TRAPPC9: variants seen among roughly 807,000 people sequenced by gnomAD.
TRAPPC9 encodes the protein IKK2 binding protein.
TRAPPC9 carries 83 observed loss-of-function variants against 124.0 expected under a neutral mutation model. The observed-to-expected ratio is 0.67, with a 90% CI of 0.56 to 0.80. The LOEUF (loss-of-function observed/expected upper bound fraction) is 0.80. Ranked by LOEUF, TRAPPC9 falls within the 30% of genes least tolerant of loss-of-function variation. TRAPPC9 has a pLI of 0.00. For missense variants in TRAPPC9, 1,302 were observed against 1,508.3 expected, an observed-to-expected ratio of 0.86 and a Z score of 2.27; for synonymous variants, 638 against 617.5, an observed-to-expected ratio of 1.03 and a Z score of -0.49.
intron 19 of TRAPPC9, among the ~76,000 whole-genome samples, chr8:139,912,069 TC>T (rs1357597309): frequency 6.6e-6 from 1 of 152,208 alleles, no homozygotes; most frequent in Non-Finnish European, 1.5e-5. Context: ...TTTCTGGTTC[TC>T]TAAGTAGATA....
chr8:139,735,576 C>G (rs1360970228), intron 21 of TRAPPC9, among the ~76,000 whole-genome samples: 1 of 152,162 alleles, frequency 6.6e-6, no homozygotes, highest in East Asian at 1.9e-4. Flanking sequence ...GATGGGGCAG[C>G]CTGGTTGCTG....
intron 17 of TRAPPC9, among the ~76,000 whole-genome samples, chr8:140,145,673 C>T (rs1192939123): frequency 6.6e-6 from 1 of 151,906 alleles, no homozygotes; most frequent in African/African-American, 2.4e-5. Flanking sequence ...TTTCGATTTG[C>T]TAATATTTCA....
chr8:139,909,073 A>C (rs986752967), intron 20 of TRAPPC9, among the ~76,000 whole-genome samples: 3 of 152,192 alleles, frequency 2.0e-5, no homozygotes, highest in African/African-American at 7.2e-5. Flanking sequence ...AATTGGCCTC[A>C]GGTTCTGGAA....
At chr8:140,309,528 G>T (rs1172848453) in intron 10 of TRAPPC9, among the ~76,000 whole-genome samples, 1 of 152,076 alleles carries the variant, frequency 6.6e-6, no homozygotes, top group Non-Finnish European at 1.5e-5. Context: ...TCAGCTCCTG[G>T]ATATCTACAC....
At chr8:140,135,578 A>G (rs1025080990) in intron 17 of TRAPPC9, among the ~76,000 whole-genome samples, 4 of 152,228 alleles carry the variant, frequency 2.6e-5, no homozygotes, top group Non-Finnish European at 5.9e-5. Flanking sequence ...AATCATCTAG[A>G]ATAGGCAAAT....
chr8:140,012,381 A>C (rs1336527403), intron 18 of TRAPPC9, among the ~76,000 whole-genome samples: 1 of 152,196 alleles, frequency 6.6e-6, no homozygotes, highest in Non-Finnish European at 1.5e-5. Flanking sequence ...CTTACTTAAA[A>C]GGGGAGACAC....
chr8:140,253,542 G>A (rs906123620), intron 15 of TRAPPC9, among the ~76,000 whole-genome samples: 1 of 152,090 alleles, frequency 6.6e-6, no homozygotes, highest in Non-Finnish European at 1.5e-5. Context: ...AGCCAGTGTG[G>A]CAGCGCGCCT....
chr8:140,387,850 T>C (rs1287442724), intron 7 of TRAPPC9, among the ~76,000 whole-genome samples: 9 of 152,140 alleles, frequency 5.9e-5, no homozygotes, highest in Non-Finnish European at 1.2e-4. Context: ...GAAATACCAT[T>C]TGACCCAGCC....
chr8:139,969,401 A>G (rs1835917181), intron 19 of TRAPPC9, among the ~76,000 whole-genome samples: 1 of 152,190 alleles, frequency 6.6e-6, no homozygotes, highest in Non-Finnish European at 1.5e-5. Flanking sequence ...TCCTGGAGAA[A>G]ACGTGATTCA....
chr8:139,789,888 T>C (rs1822535468), intron 21 of TRAPPC9, among the ~76,000 whole-genome samples: 1 of 152,060 alleles, frequency 6.6e-6, no homozygotes, highest in Non-Finnish European at 1.5e-5. Flanking sequence ...AGTGCAGCAT[T>C]TGAAGGCGGT....
At chr8:139,765,318 TA>T (rs1362927346) in intron 21 of TRAPPC9, among the ~76,000 whole-genome samples, 1 of 152,316 alleles carries the variant, frequency 6.6e-6, no homozygotes, top group East Asian at 1.9e-4. Context: ...ATGGGATTCC[TA>T]AAGCTCCCCC....
At chr8:140,336,959 A>C (rs546263334) in intron 9 of TRAPPC9, among the ~76,000 whole-genome samples, 1 of 152,346 alleles carries the variant, frequency 6.6e-6, no homozygotes, top group East Asian at 1.9e-4. Flanking sequence ...TCCAAAACTT[A>C]GAAAACAGCA....
chr8:140,351,590 G>A (rs998076240), intron 9 of TRAPPC9, among the ~76,000 whole-genome samples: 2 of 152,134 alleles, frequency 1.3e-5, no homozygotes, highest in South Asian at 2.1e-4. Flanking sequence ...GCAACAAGGC[G>A]AGACCTCATC....
chr8:140,331,716 G>A (rs2066899106), intron 9 of TRAPPC9, among the ~76,000 whole-genome samples: 1 of 151,936 alleles, frequency 6.6e-6, no homozygotes, highest in Non-Finnish European at 1.5e-5. Flanking sequence ...TGGCTAACAG[G>A]TATATGAAAC....
chr8:139,917,090 G>T (rs1382055678), intron 19 of TRAPPC9, among the ~76,000 whole-genome samples: 1 of 151,510 alleles, frequency 6.6e-6, no homozygotes, highest in Non-Finnish European at 1.5e-5. Flanking sequence ...ATCACGCCCT[G>T]AGAGAGGATC....
intron 17 of TRAPPC9, among the ~76,000 whole-genome samples, chr8:140,163,237 C>A (rs2061780042): frequency 6.6e-6 from 1 of 152,136 alleles, no homozygotes. Flanking sequence ...GCTCCAGAAG[C>A]ACAGCAGCTT....
chr8:139,905,490 C>T (rs555079282), intron 20 of TRAPPC9, among the ~76,000 whole-genome samples: 110 of 152,292 alleles, frequency 7.2e-4, no homozygotes, highest in South Asian at 2.7e-3. Context: ...AGGGACTCGC[C>T]CCGTGCAGCT....
chr8:139,882,884 G>A (rs1005349725), intron 21 of TRAPPC9, among the ~76,000 whole-genome samples: 4 of 152,170 alleles, frequency 2.6e-5, no homozygotes, highest in Non-Finnish European at 5.9e-5. Context: ...TCTGAGTCCA[G>A]GGCTACCTGA....
intron 17 of TRAPPC9, among the ~76,000 whole-genome samples, chr8:140,183,698 T>C (rs1462968129): frequency 2.0e-5 from 3 of 150,836 alleles, no homozygotes; most frequent in Non-Finnish European, 3.0e-5. Flanking sequence ...CTACTAAAAA[T>C]ACAAAAATTA....
Sources: allele counts gnomAD v4.1 joint callset (sites outside exome capture counted in the v4.1 genomes callset), GRCh38; gene constraint gnomAD v4.1.1; transcripts MANE v1.5; gene names NCBI Gene and HGNC (gene_info 2026-07-23, HGNC 2026-07-21).